PGAP2: variants seen among roughly 807,000 people sequenced by gnomAD.
PGAP2 encodes post-GPI attachment to proteins 2, also known as acyltransferase PGAP2.
PGAP2 carries 21 observed loss-of-function variants against 33.2 expected under a neutral mutation model. The observed-to-expected ratio is 0.63, with a 90% confidence interval of 0.45 to 0.91. The LOEUF (loss-of-function observed/expected upper bound fraction) is 0.91, where lower values mean the gene tolerates loss of function less well. PGAP2 is among the 40% of genes least tolerant of loss of function. The pLI, the probability that PGAP2 is intolerant of heterozygous loss-of-function variation, is 0.00. For synonymous variants in PGAP2, 161 were observed against 172.9 expected, an observed-to-expected ratio of 0.93 and a Z score of 0.54; for missense variants, 345 against 424.0, an observed-to-expected ratio of 0.81 and a Z score of 1.64.
At chr11:3,797,848 C>G in exon 1 of PGAP2, 2 of 1,550,382 alleles carry the variant, frequency 1.3e-6, no homozygotes, top group Non-Finnish European at 8.7e-7. Context: ...TTGTGAATGG[C>G]TAGATTGGGA....
At chr11:3,808,443 A>C, upstream of PGAP2, 1 of 1,516,248 alleles carries the variant, frequency 6.6e-7, no homozygotes, top group Non-Finnish European at 8.9e-7. Context: ...AGGACACGCC[A>C]GATTGAGGAG....
intron 1 of PGAP2, among the ~76,000 whole-genome samples, chr11:3,809,587 A>C (rs1421263440): frequency 2.6e-5 from 4 of 152,312 alleles, no homozygotes; most frequent in Non-Finnish European, 5.9e-5. Context: ...TGCAGCCTTC[A>C]GGGAGGGATA....
At chr11:3,815,065 G>T (rs1438226869) in intron 2 of PGAP2, among the ~76,000 whole-genome samples, 1 of 151,646 alleles carries the variant, frequency 6.6e-6, no homozygotes, top group East Asian at 1.9e-4. Flanking sequence ...AGCCTCCCGA[G>T]TAGCTGAGAT....
At chr11:3,815,281 G>A (rs992594923) in intron 2 of PGAP2, among the ~76,000 whole-genome samples, 13 of 151,480 alleles carry the variant, frequency 8.6e-5, no homozygotes, top group African/African-American at 2.9e-4. Flanking sequence ...CAAGAAGACA[G>A]TAATGAGGGG....
At chr11:3,815,090 A>T (rs2086701726) in intron 2 of PGAP2, among the ~76,000 whole-genome samples, 1 of 149,638 alleles carries the variant, frequency 6.7e-6, no homozygotes, top group Non-Finnish European at 1.5e-5. Context: ...GGCATGCACC[A>T]CCGTGCCTGG....
At chr11:3,819,746 G>A (rs2134824659) in intron 3 of PGAP2, among the ~76,000 whole-genome samples, 1 of 152,282 alleles carries the variant, frequency 6.6e-6, no homozygotes, top group South Asian at 2.1e-4. Flanking sequence ...AGCTCCTGAT[G>A]TTGCTTGTTG....
intron 1 of PGAP2, among the ~76,000 whole-genome samples, chr11:3,801,504 C>T (rs1437061832): frequency 2.0e-5 from 3 of 150,990 alleles, no homozygotes; most frequent in Non-Finnish European, 4.4e-5. Flanking sequence ...TAGCCGGGCG[C>T]GGTGGCAGGC....
upstream of PGAP2, among the ~76,000 whole-genome samples, chr11:3,806,376 A>G (rs1346003363): frequency 2.6e-5 from 4 of 152,122 alleles, no homozygotes; most frequent in East Asian, 7.7e-4. Context: ...CTTAAAGAAC[A>G]GGATAGGGGA....
chr11:3,824,780 C>T, intron 5 of PGAP2: 1 of 1,429,928 alleles, frequency 7.0e-7, no homozygotes, highest in Non-Finnish European at 9.1e-7. Context: ...AACTTTCATA[C>T]TCCATCCCCC....
At chr11:3,815,800 A>G (rs889666953) in intron 2 of PGAP2, among the ~76,000 whole-genome samples, 1 of 152,272 alleles carries the variant, frequency 6.6e-6, no homozygotes, top group East Asian at 1.9e-4. Context: ...GAACATCGAT[A>G]TCTCATATTC....
chr11:3,822,141 G>A (rs1344562581), intron 3 of PGAP2, among the ~76,000 whole-genome samples: 1 of 152,068 alleles, frequency 6.6e-6, no homozygotes, highest in Admixed American at 6.5e-5. Context: ...GAGGTGGGCG[G>A]ATCACGAGGT....
In PGAP2 at chr11:3,811,715, T is replaced by C. The variant is rs1440054632; in HGVS notation, c.165+291T>C. ...ATTTACTTTGATATCCTAGAGAAAG[T>C]GGTCTTACATCTTTCTTCCTGGCCC... is the stretch of plus-strand genomic sequence containing the variant. On this transcript the variant is annotated intron_variant, in intron 2 of 6. Transcript: ENST00000278243. The surrounding 1 kb of genome is among the most constrained non-coding windows in gnomAD (Gnocchi z 4.6). 6.6e-6 allele frequency among the ~76,000 whole-genome samples: 1 copy of C among 152,058 alleles called. No individual in the cohort carries two copies. The highest frequency in any genetic ancestry group is 1.9e-4 in the East Asian group (1 of 5,152).
upstream of PGAP2, among the ~76,000 whole-genome samples, chr11:3,805,977 GC>G (rs71041397): frequency 1 from 152,181 of 152,188 alleles, 76,087 homozygotes; most frequent in Middle Eastern, 1. Context: ...GAGCCACCAC[GC>G]CCCCGCGAGA....
chr11:3,809,127 G>A (rs1412095780), intron 1 of PGAP2, among the ~76,000 whole-genome samples: 2 of 152,154 alleles, frequency 1.3e-5, no homozygotes, highest in Admixed American at 1.3e-4. Context: ...TACAGAGCAG[G>A]GGGCCTAGTA....
intron 3 of PGAP2, chr11:3,823,001 G>GCACC (rs1391529076): frequency 9.4e-7 from 1 of 1,064,876 alleles, no homozygotes; most frequent in Non-Finnish European, 1.3e-6. Context: ...CAGGTTAGGA[G>GCACC]CACCCACTTT....
chr11:3,825,623 C>T lies in PGAP2; in HGVS notation c.*165C>T. ...AGGCTCACCCCAGTGCTGCTGGCTT[C>T]TCCTCTCCACCCCTCATATGGGCGT... On this transcript the variant is annotated 3_prime_UTR_variant, in exon 7 of 7. Coordinates refer to ENST00000278243, the MANE Select transcript of PGAP2 (RefSeq NM_014489.4). 2.2e-6 allele frequency: 1 copy of T among 462,168 alleles called. No homozygotes were observed. Among genetic ancestry groups the T allele is most frequent in the Non-Finnish European group, 3.4e-6 (1 of 298,210 alleles). 28.6% of individuals were successfully genotyped at this position (462,168 alleles called of 1,614,324 possible). A position where few individuals can be genotyped will look rare whatever the true frequency, so the allele number is the denominator to read the frequency against.
At chr11:3,822,652 A>C (rs570468324) in intron 3 of PGAP2, among the ~76,000 whole-genome samples, 1 of 152,334 alleles carries the variant, frequency 6.6e-6, no homozygotes, top group South Asian at 2.1e-4. Flanking sequence ...GGAAAACAAA[A>C]TTAAAAAATT....
chr11:3,800,795 G>C (rs1354546097), intron 1 of PGAP2, among the ~76,000 whole-genome samples: 1 of 138,712 alleles, frequency 7.2e-6, no homozygotes, highest in Non-Finnish European at 1.5e-5. Context: ...CTGGGCCACA[G>C]AGTGAGACTC....
At chr11:3,808,866 G>A (rs1202146338) in intron 1 of PGAP2, among the ~76,000 whole-genome samples, 1 of 152,200 alleles carries the variant, frequency 6.6e-6, no homozygotes, top group Non-Finnish European at 1.5e-5. Flanking sequence ...GGGTGTGCAG[G>A]GGTTGAGCTC....
Sources: allele counts gnomAD v4.1 joint callset (sites outside exome capture counted in the v4.1 genomes callset), GRCh38; gene constraint gnomAD v4.1.1; non-coding constraint Gnocchi (gnomAD v3.1); transcripts MANE v1.5; gene names NCBI Gene and HGNC (gene_info 2026-07-23, HGNC 2026-07-21).